The following CCDC88A variants were observed in gnomAD, a reference collection of about 807,000 sequenced individuals.
CCDC88A encodes the protein girdin.
A neutral mutation model predicts 234.3 loss-of-function variants in CCDC88A; 54 were observed. The ratio of observed to expected loss-of-function variants is 0.23; its 90% CI spans 0.19 to 0.29. The LOEUF (loss-of-function observed/expected upper bound fraction) is 0.29, where lower values mean the gene tolerates loss of function less well. Among genes scored for constraint, CCDC88A ranks in the 10% least tolerant of loss-of-function variants. The probability of loss-of-function intolerance (pLI) is 1.00; values close to 1 mark genes in which losing one functional copy is unlikely to be tolerated. For missense variants in CCDC88A, 1,832 were observed against 2,123.4 expected (o/e 0.86, Z 2.70); for synonymous variants, 753 against 737.8 (o/e 1.02, Z -0.33).
chr2:55,312,934 T>TA (rs1682509843), intron 22 of CCDC88A: 2 of 171,530 alleles, frequency 1.2e-5, no homozygotes, highest in African/African-American at 4.8e-5. Flanking sequence ...GTTAGACAAG[T>TA]AAGTTCTCAG....
intron 2 of CCDC88A, among the ~76,000 whole-genome samples, chr2:55,401,502 A>G (rs1193697436): frequency 0.023 from 2 of 88 alleles, no homozygotes; most frequent in African/African-American, 0.071. Flanking sequence ...GTGTATACAT[A>G]TATATATATA....
chr2:55,305,059 AAC>A (rs1447504964), intron 25 of CCDC88A, among the ~76,000 whole-genome samples: 2 of 152,216 alleles, frequency 1.3e-5, no homozygotes, highest in South Asian at 2.1e-4. Flanking sequence ...AAGCTTAGTA[AAC>A]ACAGCTGTTT....
At chr2:55,339,876 G>C in intron 12 of CCDC88A, 1 of 372,494 alleles carries the variant, frequency 2.7e-6, no homozygotes, top group East Asian at 5.1e-5. Context: ...CTGTCACCCA[G>C]GCTGGAGTGC....
intron 25 of CCDC88A, among the ~76,000 whole-genome samples, chr2:55,307,477 T>C (rs186625644): frequency 6.0e-5 from 9 of 151,024 alleles, no homozygotes; most frequent in African/African-American, 9.7e-5. Flanking sequence ...TGCCTCAGCC[T>C]CCCAAGTAGC....
intron 3 of CCDC88A, among the ~76,000 whole-genome samples, chr2:55,375,190 T>G (rs919412480): frequency 6.6e-6 from 1 of 152,044 alleles, no homozygotes. Flanking sequence ...GGCAACATAG[T>G]GAGACCTTCA....
intron 21 of CCDC88A, among the ~76,000 whole-genome samples, chr2:55,316,650 G>A (rs963046110): frequency 2.0e-5 from 3 of 152,174 alleles, no homozygotes. Flanking sequence ...TGGAAGGATT[G>A]CTTAAGCATA....
chr2:55,296,590 A>T, intron 29 of CCDC88A, 67 bp from the exon 30 acceptor site: 1 of 1,444,954 alleles, frequency 6.9e-7, no homozygotes, highest in Non-Finnish European at 9.5e-7. Flanking sequence ...ATGAGTAATA[A>T]CATTTGTTGA....
At chr2:55,369,137 C>CA (rs1044743082) in intron 5 of CCDC88A, among the ~76,000 whole-genome samples, 6 of 151,996 alleles carry the variant, frequency 3.9e-5, no homozygotes, top group African/African-American at 1.4e-4. Context: ...TGGGTTCCAG[C>CA]AATTCTCCTG....
At chr2:55,399,527 A>AAG (rs1491460649) in intron 2 of CCDC88A, among the ~76,000 whole-genome samples, 1 of 67,264 alleles carries the variant, frequency 1.5e-5, no homozygotes, top group Admixed American at 1.4e-4. Context: ...ACTCTGTCTC[A>AAG]AAAAAAAAAA....
intron 9 of CCDC88A, among the ~76,000 whole-genome samples, chr2:55,347,945 G>C (rs187036444): frequency 6.6e-5 from 10 of 150,766 alleles, no homozygotes; most frequent in African/African-American, 1.2e-4. Context: ...GTCTAACATG[G>C]AATGGGTTAA....
In CCDC88A at chr2:55,296,046, G is replaced by A; in HGVS notation, c.5102C>T (p.Ser1701Leu). 1 of 1,594,946 alleles carries A rather than the reference G, an allele frequency of 6.3e-7. No individual in the cohort carries two copies. The highest frequency in any genetic ancestry group is 1.1e-5 in the South Asian group (1 of 87,528). ...NKLTSVQIKS[S>L]SQENLLDEVM... is the part of the protein sequence containing the mutation. ...TTCATCTAAAAGATTCTCTTGACTT[G>A]AGGACTTTATCTGTTTAAAAAAAAA... is the stretch of plus-strand genomic sequence containing the variant. The change falls in exon 31 of 33, where the codon TCA becomes TTA. Residue 1701 changes from serine (S) to leucine (L), a missense_variant. Ser to Leu is a moderately radical substitution (Grantham distance 145). This residue lies in a region of CCDC88A where 422 missense variants were observed against 416.5 expected (regional missense o/e 1.01). Transcript: ENST00000436346.
intron 2 of CCDC88A, among the ~76,000 whole-genome samples, chr2:55,407,567 T>C (rs1051984206): frequency 2.7e-4 from 41 of 151,906 alleles, no homozygotes; most frequent in African/African-American, 9.2e-4. Context: ...ATCGCATCAC[T>C]GCACTCCAGC....
chr2:55,384,984 G>C (rs1675353441), intron 3 of CCDC88A, among the ~76,000 whole-genome samples: 1 of 151,954 alleles, frequency 6.6e-6, no homozygotes. Flanking sequence ...AGGTGATTCA[G>C]GGTTGGTTGC....
chr2:55,396,107 G>GT (rs1206057608), intron 2 of CCDC88A, among the ~76,000 whole-genome samples: 2 of 151,468 alleles, frequency 1.3e-5, no homozygotes, highest in Non-Finnish European at 2.9e-5. Context: ...TTTTTAGTCA[G>GT]TAAGTTAAAC....
At chr2:55,380,997 C>G (rs1008546322) in intron 3 of CCDC88A, among the ~76,000 whole-genome samples, 1 of 152,142 alleles carries the variant, frequency 6.6e-6, no homozygotes, top group African/African-American at 2.4e-5. Flanking sequence ...TTTTGGTCAA[C>G]AATAAACCAT....
chr2:55,362,265 TGGAAAGCAAA>T, intron 7 of CCDC88A, 33 bp downstream of exon 7: 1 of 1,487,704 alleles, frequency 6.7e-7, no homozygotes, highest in Non-Finnish European at 9.0e-7. Flanking sequence ...TTTTCTTTTT[TGGAAAGCAAA>T]CTTTCACAAT....
chr2:55,377,906 G>A (rs535422020), intron 3 of CCDC88A, among the ~76,000 whole-genome samples: 28 of 152,102 alleles, frequency 1.8e-4, no homozygotes, highest in Non-Finnish European at 2.9e-4. Context: ...GCACCGGGCC[G>A]GGAAGCTTTA....
intron 5 of CCDC88A, among the ~76,000 whole-genome samples, chr2:55,369,993 GAA>G (rs1215090162): frequency 6.6e-6 from 1 of 151,814 alleles, no homozygotes; most frequent in Non-Finnish European, 1.5e-5. Context: ...AACATTAAAA[GAA>G]AAAAATTAGG....
chr2:55,303,033 T>A, intron 26 of CCDC88A, 36 bp downstream of exon 26: 1 of 1,249,964 alleles, frequency 8.0e-7, no homozygotes, highest in Non-Finnish European at 1.1e-6. Context: ...GCCAGTGTAG[T>A]CAGTTGAAAG....
Sources: allele counts gnomAD v4.1 joint callset (sites outside exome capture counted in the v4.1 genomes callset), GRCh38; gene constraint gnomAD v4.1.1; regional missense constraint gnomAD v4.1.1; transcripts MANE v1.5; gene names NCBI Gene and HGNC (gene_info 2026-07-23, HGNC 2026-07-21).